Variants in OR14A2 observed in about 807,000 individuals in gnomAD.
The protein encoded by OR14A2 is olfactory receptor family 14 subfamily A member 2.
For synonymous variants in OR14A2, 114 were observed against 58.6 expected (o/e 1.95, Z -4.32); for missense variants, 237 against 152.9 (o/e 1.55, Z -2.90).
chr1:247,722,965 T>C (rs959988873), downstream of OR14A2: 4 of 614,342 alleles, frequency 6.5e-6, no homozygotes, highest in African/African-American at 7.4e-5. Flanking sequence ...AGTTAGGCTC[T>C]TGAGTATTTA....
At chr1:247,738,855 C>T in the OR14A2 span, 10 of 780,634 alleles carry the variant, frequency 1.3e-5, no homozygotes, top group Non-Finnish European at 2.4e-5. Flanking sequence ...CAAATCCATC[C>T]TCAACTCTGT....
chr1:247,745,497 C>G, the OR14A2 span, among the ~76,000 whole-genome samples: 1 of 151,108 alleles, frequency 6.6e-6, no homozygotes, highest in African/African-American at 2.4e-5. Flanking sequence ...AAGCCAGAAG[C>G]CTTAAAGGAA....
chr1:247,738,896 G>A, the OR14A2 span: 1 of 780,636 alleles, frequency 1.3e-6, no homozygotes, highest in South Asian at 1.3e-5. Context: ...CCTTCCTGGG[G>A]TGTGTGTTGC....
chr1:247,746,670 G>C, the OR14A2 span: 1 of 152,158 alleles, frequency 6.6e-6, no homozygotes, highest in African/African-American at 2.4e-5. Context: ...TGGCATACAA[G>C]GGTTTGTTTT....
At position 247,723,248 on chromosome 1, in the gene OR14A2, A is replaced by G. The variant is rs1660245242; in HGVS notation, c.796T>C (p.Ser266Pro). 1.3e-5 allele frequency: 9 copies of G among 717,744 alleles called. No individual in the cohort carries two copies. The East Asian group carries it at 2.4e-4, about 19-fold the overall frequency. 44.5% of individuals were successfully genotyped at this position (717,744 alleles called of 1,614,324 possible). A position where few individuals can be genotyped will look rare whatever the true frequency, so the allele number is the denominator to read the frequency against. ...ACAGAAAGCAGCCTGTCAATAACAG[A>G]TGGTGAATTTGAAGGTGGCTTAAGA... Residue 266 changes from serine to proline, a missense_variant, in exon 1 of 1, where the codon TCT (serine) becomes CCT (proline). Ser to Pro is a moderately conservative substitution (Grantham distance 74). Transcript: ENST00000366485.
chr1:247,744,943 G>T, the OR14A2 span, among the ~76,000 whole-genome samples: 9 of 152,162 alleles, frequency 5.9e-5, no homozygotes, highest in Non-Finnish European at 8.8e-5. This position sits in a 1 kb window ranked among gnomAD's most constrained non-coding sequence, Gnocchi z 4.3. Flanking sequence ...TGGTTACTCT[G>T]TTCAGTGTAT....
upstream of OR14A2, among the ~76,000 whole-genome samples, chr1:247,726,138 A>G (rs1392799713): frequency 2.4e-5 from 3 of 123,798 alleles, no homozygotes; most frequent in East Asian, 4.8e-4. Context: ...ACTAGTTTAC[A>G]GTCCCACCAA....
chr1:247,743,397 C>T, the OR14A2 span, among the ~76,000 whole-genome samples: 3 of 152,196 alleles, frequency 2.0e-5, no homozygotes, highest in East Asian at 3.8e-4. Context: ...GGTCTGGGAG[C>T]ACCTTGGCCC....
chr1:247,733,871 T>C, the OR14A2 span, among the ~76,000 whole-genome samples: 1 of 152,110 alleles, frequency 6.6e-6, no homozygotes, highest in Non-Finnish European at 1.5e-5. Flanking sequence ...GAAGTGCAAC[T>C]TTTCCTCACA....
the OR14A2 span, among the ~76,000 whole-genome samples, chr1:247,729,946 G>A: frequency 6.6e-6 from 1 of 151,934 alleles, no homozygotes; most frequent in Non-Finnish European, 1.5e-5. Flanking sequence ...ATAAATGCTG[G>A]CAAACATTAG....
At chr1:247,736,144 T>C in the OR14A2 span, among the ~76,000 whole-genome samples, 1 of 148,414 alleles carries the variant, frequency 6.7e-6, no homozygotes, top group Middle Eastern at 3.4e-3. Flanking sequence ...GAAGACTCCA[T>C]ATAGGCCTCC....
chr1:247,728,315 A>C (rs1311453709), upstream of OR14A2, among the ~76,000 whole-genome samples: 1 of 152,144 alleles, frequency 6.6e-6, no homozygotes, highest in East Asian at 1.9e-4. Flanking sequence ...AGAGCCAAAG[A>C]CAAAAACCAC....
At chr1:247,731,563 G>A in the OR14A2 span, among the ~76,000 whole-genome samples, 2 of 151,046 alleles carry the variant, frequency 1.3e-5, no homozygotes, top group African/African-American at 4.9e-5. Context: ...TATTTTTTCT[G>A]GCATGTTCTT....
upstream of OR14A2, among the ~76,000 whole-genome samples, chr1:247,725,638 G>A (rs1364141278): frequency 2.1e-5 from 3 of 140,206 alleles, no homozygotes; most frequent in Non-Finnish European, 3.1e-5. Context: ...CCACTAACTC[G>A]TCATCTAGCA....
the OR14A2 span, chr1:247,739,446 G>T: frequency 1.3e-6 from 1 of 780,738 alleles, no homozygotes; most frequent in East Asian, 2.4e-5. Context: ...GTTCTATTCT[G>T]TCGCACCTCC....
upstream of OR14A2, among the ~76,000 whole-genome samples, chr1:247,725,527 T>C (rs1660324940): frequency 1.3e-5 from 2 of 149,482 alleles, no homozygotes; most frequent in South Asian, 2.1e-4. Flanking sequence ...TTTATTTATT[T>C]ATTTTTTTTA....
chr1:247,723,845 A>G, exon 1 of OR14A2: 1 of 717,978 alleles, frequency 1.4e-6, no homozygotes, highest in Non-Finnish European at 2.6e-6. Context: ...AAGACATCCA[A>G]AAAGGATAAG....
the OR14A2 span, among the ~76,000 whole-genome samples, chr1:247,731,063 T>A: frequency 2.0e-5 from 3 of 152,134 alleles, no homozygotes; most frequent in African/African-American, 4.8e-5. Flanking sequence ...TACTATTAAC[T>A]TTTTTTAGTA....
upstream of OR14A2, among the ~76,000 whole-genome samples, chr1:247,725,589 G>C (rs1660327953): frequency 6.8e-6 from 1 of 147,164 alleles, no homozygotes; most frequent in Non-Finnish European, 1.5e-5. Flanking sequence ...GTGCAGGTTA[G>C]TTACATATGT....
Sources: allele counts gnomAD v4.1 joint callset (sites outside exome capture counted in the v4.1 genomes callset), GRCh38; gene constraint gnomAD v4.1.1; non-coding constraint Gnocchi (gnomAD v3.1); transcripts MANE v1.5; gene names NCBI Gene and HGNC (gene_info 2026-07-23, HGNC 2026-07-21).